The following SORCS2 variants were observed in gnomAD, a reference collection of about 807,000 sequenced individuals.
SORCS2 encodes VPS10 domain-containing receptor SorCS2.
In SORCS2, 100 loss-of-function variants were observed where a neutral mutation model predicts 141.6. The ratio of observed to expected loss-of-function variants is 0.71; its 90% CI spans 0.60 to 0.83. SORCS2 has a LOEUF of 0.83. Among genes scored for constraint, SORCS2 ranks in the 40% least tolerant of loss-of-function variants. The pLI, the probability that SORCS2 is intolerant of heterozygous loss-of-function variation, is 0.00. For missense variants in SORCS2, 1,646 were observed against 1,560.2 expected, an observed-to-expected ratio of 1.05 and a Z score of -0.93; for synonymous variants, 789 against 676.9, an observed-to-expected ratio of 1.17 and a Z score of -2.57.
chr4:7,597,518 G>A (rs1489702275), intron 3 of SORCS2, among the ~76,000 whole-genome samples: 1 of 137,442 alleles, frequency 7.3e-6, no homozygotes, highest in South Asian at 2.4e-4. Flanking sequence ...GCAATGAGAG[G>A]TTACACAATG....
At chr4:7,685,169 A>C (rs1175729558) in intron 10 of SORCS2, among the ~76,000 whole-genome samples, 3 of 152,242 alleles carry the variant, frequency 2.0e-5, no homozygotes, top group Non-Finnish European at 2.9e-5. Flanking sequence ...CTGTCAAAGC[A>C]AGTTTTTGCT....
chr4:7,209,482 C>T (rs1219592995), intron 1 of SORCS2, among the ~76,000 whole-genome samples: 4 of 152,112 alleles, frequency 2.6e-5, no homozygotes, highest in African/African-American at 9.7e-5. Flanking sequence ...CATCCCCTTC[C>T]GGAAACGGTC....
intron 3 of SORCS2, among the ~76,000 whole-genome samples, chr4:7,557,283 G>A (rs1357592625): frequency 6.6e-6 from 1 of 152,140 alleles, no homozygotes; most frequent in African/African-American, 2.4e-5. Context: ...AGGGACGGTG[G>A]CAGGGATGGC....
At chr4:7,226,430 C>T (rs1728994805) in intron 1 of SORCS2, among the ~76,000 whole-genome samples, 1 of 152,156 alleles carries the variant, frequency 6.6e-6, no homozygotes, top group Admixed American at 6.5e-5. Context: ...TGCCCCATAG[C>T]TCACGGTCAG....
At chr4:7,304,269 C>G (rs570374501) in intron 1 of SORCS2, among the ~76,000 whole-genome samples, 2 of 152,310 alleles carry the variant, frequency 1.3e-5, no homozygotes, top group South Asian at 4.1e-4. Context: ...GCTCGACAGA[C>G]ATGGGTCTGT....
At chr4:7,413,451 T>C (rs776124527) in intron 2 of SORCS2, among the ~76,000 whole-genome samples, 1 of 133,614 alleles carries the variant, frequency 7.5e-6, no homozygotes, top group Non-Finnish European at 1.6e-5. Context: ...TGGAGTTCAG[T>C]GGTGTGATCT....
intron 10 of SORCS2, among the ~76,000 whole-genome samples, chr4:7,685,389 C>T (rs945747917): frequency 3.3e-5 from 5 of 152,202 alleles, no homozygotes; most frequent in African/African-American, 9.6e-5. Context: ...TACAGCCTCA[C>T]GGGCTGGGCA....
At chr4:7,550,549 T>G (rs894687513) in intron 3 of SORCS2, among the ~76,000 whole-genome samples, 1 of 152,062 alleles carries the variant, frequency 6.6e-6, no homozygotes, top group African/African-American at 2.4e-5. Flanking sequence ...TGAAAACAGG[T>G]GTGTCTGGGG....
chr4:7,611,335 T>C lies in SORCS2; in HGVS notation c.649-26993T>C, dbSNP rs181574899. Among the ~76,000 whole-genome samples the C allele has an allele frequency of 4.1e-3, 625 of 152,296 alleles. 4 individuals are homozygous for C. Among genetic ancestry groups the C allele is most frequent in the Non-Finnish European group, 4.3e-3 (293 of 68,014 alleles). On this transcript the variant is annotated intron_variant, in intron 3 of 26. Coordinates refer to ENST00000507866, the MANE Select transcript of SORCS2 (RefSeq NM_020777.3). ...AGCCAGAGAGACCAGGCTCAAGTCCTGGCTGAGATGAGTGGGGTTGGGTGC... is the reference window on the plus strand; with the variant it reads ...AGCCAGAGAGACCAGGCTCAAGTCCCGGCTGAGATGAGTGGGGTTGGGTGC...
chr4:7,593,029 T>A (rs1717021074), intron 3 of SORCS2, among the ~76,000 whole-genome samples: 1 of 152,136 alleles, frequency 6.6e-6, no homozygotes, highest in Non-Finnish European at 1.5e-5. Flanking sequence ...ACCTATATAA[T>A]TTATGGGTTG....
chr4:7,418,056 C>T (rs1432279126), intron 2 of SORCS2, among the ~76,000 whole-genome samples: 1 of 152,230 alleles, frequency 6.6e-6, no homozygotes, highest in African/African-American at 2.4e-5. Context: ...GTGCCATCAG[C>T]TGGAGGCTCT....
intron 12 of SORCS2, among the ~76,000 whole-genome samples, chr4:7,698,138 G>A (rs1372877695): frequency 2.0e-5 from 3 of 152,218 alleles, no homozygotes; most frequent in Admixed American, 1.3e-4. Context: ...TTTCTTTCCA[G>A]GGGGCGGGGA....
At chr4:7,226,908 A>G (rs1346036579) in intron 1 of SORCS2, among the ~76,000 whole-genome samples, 2 of 152,198 alleles carry the variant, frequency 1.3e-5, no homozygotes, top group Admixed American at 1.3e-4. Context: ...CACAAATTGA[A>G]TGATGCCTTG....
chr4:7,445,995 C>G (rs571728438), intron 2 of SORCS2, among the ~76,000 whole-genome samples: 2 of 97,008 alleles, frequency 2.1e-5, no homozygotes, highest in African/African-American at 6.8e-5. Flanking sequence ...GCTTTCTTTC[C>G]TTTGTCTTTT....
chr4:7,384,676 G>A (rs1182406339), intron 1 of SORCS2, among the ~76,000 whole-genome samples: 4 of 152,176 alleles, frequency 2.6e-5, no homozygotes, highest in Admixed American at 2.6e-4. Context: ...TGTGTTCTGG[G>A]TTCCCACCTC....
chr4:7,194,644 A>G (rs1258021076), intron 1 of SORCS2, among the ~76,000 whole-genome samples: 1 of 151,760 alleles, frequency 6.6e-6, no homozygotes, highest in East Asian at 2.0e-4. Flanking sequence ...TGACTTGCAG[A>G]GGTGGCAGGT....
chr4:7,531,439 C>G (rs145256215), intron 2 of SORCS2, 91 bp from the exon 3 acceptor site: 18 of 1,260,884 alleles, frequency 1.4e-5, no homozygotes, highest in South Asian at 1.2e-4. Context: ...TCGGCCCGCA[C>G]GGGCACAGGG....
At chr4:7,563,767 T>G (rs1431990353) in intron 3 of SORCS2, among the ~76,000 whole-genome samples, 1 of 152,252 alleles carries the variant, frequency 6.6e-6, no homozygotes, top group South Asian at 2.1e-4. Flanking sequence ...CAGAGAATCA[T>G]GCTTGTTTAT....
chr4:7,499,786 C>A (rs7693724), intron 2 of SORCS2, among the ~76,000 whole-genome samples: 1 of 152,054 alleles, frequency 6.6e-6, no homozygotes, highest in Non-Finnish European at 1.5e-5. Flanking sequence ...TAAATCACTG[C>A]TTGGCAAGGT....
Sources: gnomAD v4.1 joint callset for allele counts (sites outside exome capture counted in the v4.1 genomes callset) on GRCh38, gnomAD v4.1.1 for gene constraint, MANE v1.5 for transcripts, NCBI Gene and HGNC (gene_info 2026-07-23, HGNC 2026-07-21) for gene names.